ZHX3: variants seen among roughly 807,000 people sequenced by gnomAD.
ZHX3 encodes zinc fingers and homeoboxes protein 3.
ZHX3 carries 20 observed loss-of-function variants against 64.5 expected under a neutral mutation model. The ratio of observed to expected loss-of-function variants is 0.31; its 90% CI spans 0.22 to 0.45. The LOEUF (loss-of-function observed/expected upper bound fraction) is 0.45. Ranked by LOEUF, ZHX3 falls within the 20% of genes least tolerant of loss-of-function variation. The probability of loss-of-function intolerance (pLI) is 1.00; values close to 1 mark genes in which losing one functional copy is unlikely to be tolerated. For synonymous variants in ZHX3, 423 were observed against 461.6 expected, an observed-to-expected ratio of 0.92 and a Z score of 1.07; for missense variants, 1,041 against 1,195.8, an observed-to-expected ratio of 0.87 and a Z score of 1.91.
chr20:41,213,031 G>T (rs1244199585), intron 2 of ZHX3, among the ~76,000 whole-genome samples: 1 of 152,206 alleles, frequency 6.6e-6, no homozygotes, highest in Non-Finnish European at 1.5e-5. Flanking sequence ...CTTCAGCCAT[G>T]AAAAGGAATG....
At chr20:41,210,982 G>C (rs562138081) in intron 2 of ZHX3, among the ~76,000 whole-genome samples, 9 of 152,210 alleles carry the variant, frequency 5.9e-5, no homozygotes, top group African/African-American at 1.9e-4. Context: ...TGTGAATTTA[G>C]ATGTATTGAA....
At chr20:41,244,398 C>T (rs1168912752) in intron 2 of ZHX3, among the ~76,000 whole-genome samples, 1 of 152,154 alleles carries the variant, frequency 6.6e-6, no homozygotes, top group Non-Finnish European at 1.5e-5. Context: ...GGGTCAGGCA[C>T]AGTAGCTCAC....
At chr20:41,298,639 G>A (rs915579204) in intron 1 of ZHX3, among the ~76,000 whole-genome samples, 19 of 152,192 alleles carry the variant, frequency 1.2e-4, no homozygotes, top group African/African-American at 4.3e-4. Context: ...ACATTCAGAG[G>A]GGAGTTCCAT....
At chr20:41,251,780 T>C (rs2042004924) in intron 2 of ZHX3, among the ~76,000 whole-genome samples, 1 of 152,018 alleles carries the variant, frequency 6.6e-6, no homozygotes, top group Non-Finnish European at 1.5e-5. Context: ...TACAGAAAAA[T>C]ATTTGGATAA....
chr20:41,221,360 C>T (rs895375136), intron 2 of ZHX3, among the ~76,000 whole-genome samples: 2 of 152,148 alleles, frequency 1.3e-5, no homozygotes, highest in South Asian at 4.1e-4. Context: ...TCCACAGCAC[C>T]AGGACTTGTA....
At chr20:41,207,797 G>C (rs925975595) in intron 2 of ZHX3, among the ~76,000 whole-genome samples, 24 of 152,130 alleles carry the variant, frequency 1.6e-4, no homozygotes, top group Non-Finnish European at 2.8e-4. Context: ...AGAGAAGCAA[G>C]AACAAACACA....
rs746400994 is a variant in ZHX3 at position 41,202,122 on chromosome 20, G to A, written c.2795C>T (p.Pro932Leu). Residue 932 changes from proline (P) to leucine (L), a missense_variant, in exon 3 of 4, where the codon CCC (proline) becomes CTC (leucine). Transcript: ENST00000683867. The surrounding 1 kb of genome is among the most constrained non-coding windows in gnomAD (Gnocchi z 7.0). ...EVSENSESWE[P>L]RVPEASSEPF... Reference sequence around the variant, plus strand: ...CTCTGAGCTGGCCTCAGGGACACGGGGCTCCCACGACTCACTGTTCTCAGA... The same window carrying A: ...CTCTGAGCTGGCCTCAGGGACACGGAGCTCCCACGACTCACTGTTCTCAGA... 2 of 1,613,982 alleles carry A rather than the reference G, an allele frequency of 1.2e-6. No homozygotes were observed. Among genetic ancestry groups the A allele is most frequent in the Non-Finnish European group, 1.7e-6 (2 of 1,179,944 alleles).
At chr20:41,264,672 A>G (rs1293908937) in intron 2 of ZHX3, among the ~76,000 whole-genome samples, 2 of 152,104 alleles carry the variant, frequency 1.3e-5, no homozygotes, top group Non-Finnish European at 2.9e-5. Context: ...ATGGATCAAG[A>G]TATAGGTTAT....
In ZHX3 at chr20:41,205,068, T is replaced by C. The variant is rs919438756; in HGVS notation, c.-150-2A>G. ...GAAAGCAGGTTTTCCCTATTCAATC[T>C]AAGGAAAGGGAGAAAAAAATGATTA... On this transcript the variant is annotated splice_acceptor_variant, in intron 2 of 3. Transcript: ENST00000683867. LOFTEE classifies it low-confidence loss of function (5UTR_SPLICE). 3.1e-6 allele frequency: 4 copies of C among 1,275,800 alleles called. No homozygotes were observed. In the African/African-American group the frequency reaches 6.1e-5, roughly 19 times the overall value. The allele number at this position is 1,275,800 out of a possible 1,614,324, so 79.0% of individuals were successfully genotyped here.
intron 1 of ZHX3, chr20:41,272,196 G>C (rs1297323200): frequency 1.3e-5 from 2 of 152,078 alleles, no homozygotes; most frequent in African/African-American, 4.8e-5. Flanking sequence ...GTTAGTTTAG[G>C]GAGAAACCTC....
chr20:41,233,032 TTACCAGGAGG>T (rs890806945), intron 2 of ZHX3, among the ~76,000 whole-genome samples: 1 of 152,250 alleles, frequency 6.6e-6, no homozygotes, highest in African/African-American at 2.4e-5. Flanking sequence ...TTTCTCCCTG[TTACCAGGAGG>T]TACCAGGAAG....
At chr20:41,186,576 C>T (rs1484548485) in intron 3 of ZHX3, among the ~76,000 whole-genome samples, 2 of 152,192 alleles carry the variant, frequency 1.3e-5, no homozygotes, top group Non-Finnish European at 1.5e-5. Flanking sequence ...AAAGTCGTTT[C>T]CCAAGGAGCT....
At chr20:41,186,342 T>G (rs1284718891) in intron 3 of ZHX3, among the ~76,000 whole-genome samples, 2 of 152,244 alleles carry the variant, frequency 1.3e-5, no homozygotes, top group Admixed American at 6.5e-5. Flanking sequence ...ATTTTATTCC[T>G]TTTTTGGCTG....
At chr20:41,262,778 G>T (rs1462791914) in intron 2 of ZHX3, among the ~76,000 whole-genome samples, 1 of 152,074 alleles carries the variant, frequency 6.6e-6, no homozygotes, top group African/African-American at 2.4e-5. Flanking sequence ...CCAGGCTGAG[G>T]CTCAGAAGAA....
intron 2 of ZHX3, among the ~76,000 whole-genome samples, chr20:41,236,726 C>G (rs1052183603): frequency 3.3e-5 from 5 of 152,150 alleles, no homozygotes; most frequent in African/African-American, 1.2e-4. Context: ...GACTTCATGT[C>G]TAAAACACCA....
At chr20:41,220,871 TAGAGATG>T (rs1438224312) in intron 2 of ZHX3, among the ~76,000 whole-genome samples, 1 of 151,796 alleles carries the variant, frequency 6.6e-6, no homozygotes, top group African/African-American at 2.4e-5. Flanking sequence ...TTTTTTTTTG[TAGAGATG>T]AGGTTTCGCC....
In ZHX3 at chr20:41,180,229, A is replaced by G. The variant is rs1027088384; in HGVS notation, c.*4962T>C. On this transcript the variant is annotated 3_prime_UTR_variant, in exon 4 of 4. Transcript: ENST00000683867. ...CGCTCAGCTGCCAGAGCAGCCACGA[A>G]AGCCAAATTCTCAGGGCTGTGGAAG... The G allele has an allele frequency of 6.5e-6, 1 of 152,748 alleles. No individual in the cohort carries two copies. The highest frequency in any genetic ancestry group is 2.4e-5 in the African/African-American group (1 of 41,464). The allele number at this position is 152,748 out of a possible 1,614,324, so 9.5% of individuals were successfully genotyped here.
In ZHX3 at chr20:41,226,023, TAGAAGAGAATGAAAAGCAAGCTGTTTTC is replaced by T. The variant is rs1265677322; in HGVS notation, c.-150-20985_-150-20958del. Among the ~76,000 whole-genome samples, 1 of 152,162 alleles carries T rather than the reference TAGAAGAGAATGAAAAGCAAGCTGTTTTC, an allele frequency of 6.6e-6. No individual in the cohort carries two copies. Among genetic ancestry groups the T allele is most frequent in the Non-Finnish European group, 1.5e-5 (1 of 68,030 alleles). ...GTTATATTTCAAGATGTAGCCCAAC[TAGAAGAGAATGAAAAGCAAGCTGTTTTC>T]ATCATCCTACTACCACTACTAATAC... On this transcript the variant is annotated intron_variant, in intron 2 of 3. Transcript: ENST00000683867. This position sits in a 1 kb window ranked among gnomAD's most constrained non-coding sequence, Gnocchi z 4.4.
intron 1 of ZHX3, among the ~76,000 whole-genome samples, chr20:41,283,228 G>A (rs1169788876): frequency 1.3e-5 from 2 of 152,056 alleles, no homozygotes; most frequent in Non-Finnish European, 2.9e-5. Flanking sequence ...TTTAGACATC[G>A]CCATCAGGGT....
Sources: allele counts gnomAD v4.1 joint callset (sites outside exome capture counted in the v4.1 genomes callset), GRCh38; gene constraint gnomAD v4.1.1; non-coding constraint Gnocchi (gnomAD v3.1); transcripts MANE v1.5; gene names NCBI Gene and HGNC (gene_info 2026-07-23, HGNC 2026-07-21).